FRMD3: variants seen among roughly 807,000 people sequenced by gnomAD.
FRMD3 encodes FERM domain containing 3.
FRMD3 carries 33 observed loss-of-function variants against 70.2 expected under a neutral mutation model. The observed-to-expected ratio is 0.47, with a 90% CI of 0.36 to 0.63. The LOEUF is 0.63. FRMD3 is among the 20% of genes least tolerant of loss of function. FRMD3 has a pLI of 0.00. For missense variants in FRMD3, 632 were observed against 711.4 expected, an observed-to-expected ratio of 0.89 and a Z score of 1.27; for synonymous variants, 279 against 255.9, an observed-to-expected ratio of 1.09 and a Z score of -0.86.
chr9:83,405,284 C>T (rs1393597598), intron 1 of FRMD3, among the ~76,000 whole-genome samples: 1 of 152,090 alleles, frequency 6.6e-6, no homozygotes, highest in African/African-American at 2.4e-5. Flanking sequence ...GGTGAAGCTC[C>T]GCCTCAGACC....
At chr9:83,454,483 G>A (rs145571655) in intron 1 of FRMD3, among the ~76,000 whole-genome samples, 6 of 152,294 alleles carry the variant, frequency 3.9e-5, no homozygotes, top group East Asian at 3.9e-4. Context: ...TGAGTGTGAC[G>A]TATGAAGACA....
intron 6 of FRMD3, among the ~76,000 whole-genome samples, chr9:83,320,593 T>C (rs1354506132): frequency 6.6e-6 from 1 of 151,874 alleles, no homozygotes; most frequent in African/African-American, 2.4e-5. Context: ...TGCTGAAGAT[T>C]TTTGCATTTA....
chr9:83,355,800 C>T (rs1824316459), intron 3 of FRMD3, among the ~76,000 whole-genome samples: 2 of 152,192 alleles, frequency 1.3e-5, no homozygotes. Flanking sequence ...AAAGCATTAA[C>T]TCAGCCATGT....
At chr9:83,436,927 G>C (rs1460687827) in intron 1 of FRMD3, among the ~76,000 whole-genome samples, 2 of 152,132 alleles carry the variant, frequency 1.3e-5, no homozygotes, top group African/African-American at 4.8e-5. Flanking sequence ...CAGTGCCCAA[G>C]CTACAGATGC....
chr9:83,490,720 T>C (rs1828797296), intron 1 of FRMD3, among the ~76,000 whole-genome samples: 1 of 150,856 alleles, frequency 6.6e-6, no homozygotes, highest in Non-Finnish European at 1.5e-5. Context: ...ATATACAGAC[T>C]GATAGATTAA....
chr9:83,498,854 A>G (rs139131828), intron 1 of FRMD3, among the ~76,000 whole-genome samples: 284 of 152,310 alleles, frequency 1.9e-3, no homozygotes, highest in African/African-American at 6.4e-3. Context: ...ATTAATATTA[A>G]TGAGCTAAAA....
chr9:83,443,387 G>A (rs770390327), intron 1 of FRMD3, among the ~76,000 whole-genome samples: 5 of 152,162 alleles, frequency 3.3e-5, no homozygotes, highest in Admixed American at 6.5e-5. Flanking sequence ...GAGAACATGC[G>A]GTGTTTGGTT....
intron 1 of FRMD3, among the ~76,000 whole-genome samples, chr9:83,458,087 G>A (rs1395787269): frequency 6.7e-6 from 1 of 149,860 alleles, no homozygotes; most frequent in Admixed American, 6.6e-5. Context: ...CAAGTTGCTT[G>A]AGCCCCTTGG....
chr9:83,310,730 C>T (rs911061516), intron 8 of FRMD3, among the ~76,000 whole-genome samples, 182 bp from the exon 9 acceptor site: 2 of 152,108 alleles, frequency 1.3e-5, no homozygotes, highest in African/African-American at 4.8e-5. Context: ...AATTCTCTTC[C>T]CAAGAGAGGA....
At chr9:83,305,002 A>T (rs528884333) in intron 10 of FRMD3, among the ~76,000 whole-genome samples, 2 of 152,312 alleles carry the variant, frequency 1.3e-5, no homozygotes, top group Non-Finnish European at 2.9e-5. Flanking sequence ...CCAGCAGCGC[A>T]TTTGCGTCCT....
chr9:83,532,757 T>G (rs1177967557), intron 1 of FRMD3, among the ~76,000 whole-genome samples: 2 of 151,758 alleles, frequency 1.3e-5, no homozygotes, highest in African/African-American at 4.9e-5. Context: ...GGGCATATGA[T>G]CCAATCCAGG....
intron 1 of FRMD3, among the ~76,000 whole-genome samples, chr9:83,478,959 C>T (rs1218507961): frequency 2.0e-5 from 3 of 152,042 alleles, no homozygotes; most frequent in Admixed American, 1.3e-4. Context: ...TACCTATGCA[C>T]TACGGGTCCC....
chr9:83,429,123 T>C (rs780427684), intron 1 of FRMD3, among the ~76,000 whole-genome samples: 5 of 152,214 alleles, frequency 3.3e-5, no homozygotes, highest in Non-Finnish European at 7.3e-5. Flanking sequence ...GACTGATCCA[T>C]AGAAGATATT....
At chr9:83,347,412 C>A (rs993347710) in intron 4 of FRMD3, among the ~76,000 whole-genome samples, 1 of 152,088 alleles carries the variant, frequency 6.6e-6, no homozygotes, top group African/African-American at 2.4e-5. Context: ...TATTGTGCTG[C>A]CATTAATAAA....
intron 1 of FRMD3, among the ~76,000 whole-genome samples, chr9:83,391,751 T>C (rs751738195): frequency 6.6e-5 from 10 of 152,212 alleles, no homozygotes; most frequent in Non-Finnish European, 1.2e-4. Context: ...CAACCGTGGC[T>C]GAAACAGGGG....
At chr9:83,384,444 AT>A (rs1463976567) in intron 2 of FRMD3, among the ~76,000 whole-genome samples, 3 of 152,172 alleles carry the variant, frequency 2.0e-5, no homozygotes, top group Non-Finnish European at 4.4e-5. Context: ...GCCAGCTTTT[AT>A]TCCATTCCAC....
the FRMD3 span, among the ~76,000 whole-genome samples, chr9:83,550,714 G>C: frequency 6.6e-6 from 1 of 151,346 alleles, no homozygotes; most frequent in Non-Finnish European, 1.5e-5. Context: ...GTGTGTGTGT[G>C]TGTGTGTGTG....
chr9:83,443,204 A>C (rs994832376), intron 1 of FRMD3, among the ~76,000 whole-genome samples: 4 of 152,144 alleles, frequency 2.6e-5, no homozygotes, highest in Non-Finnish European at 5.9e-5. Flanking sequence ...GGTTTGTTAC[A>C]TATGCATACA....
chr9:83,546,274 T>A, the FRMD3 span, among the ~76,000 whole-genome samples: 1 of 152,170 alleles, frequency 6.6e-6, no homozygotes, highest in Non-Finnish European at 1.5e-5. Flanking sequence ...TGAAAATCAC[T>A]TGAACCCAGG....
Sources: allele counts gnomAD v4.1 joint callset (sites outside exome capture counted in the v4.1 genomes callset), GRCh38; gene constraint gnomAD v4.1.1; transcripts MANE v1.5; gene names NCBI Gene and HGNC (gene_info 2026-07-23, HGNC 2026-07-21).